The following ZDHHC14 variants were observed in gnomAD, a reference collection of about 807,000 sequenced individuals.
ZDHHC14 encodes the protein palmitoyltransferase ZDHHC14.
A neutral mutation model predicts 47.7 loss-of-function variants in ZDHHC14; 16 were observed. That is an observed-to-expected ratio of 0.34 (90% CI 0.23 to 0.51). The LOEUF is 0.51. ZDHHC14 is among the 20% of genes least tolerant of loss of function. The pLI is 0.97. For missense variants in ZDHHC14, 515 were observed against 662.5 expected, an observed-to-expected ratio of 0.78 and a Z score of 2.44; for synonymous variants, 293 against 278.9, an observed-to-expected ratio of 1.05 and a Z score of -0.50.
intron 1 of ZDHHC14, among the ~76,000 whole-genome samples, chr6:157,411,711 A>G (rs1422007486): frequency 6.6e-6 from 1 of 151,780 alleles, no homozygotes; most frequent in Admixed American, 6.6e-5. Context: ...TTATTTCAAA[A>G]TAAAATGCTA....
intron 1 of ZDHHC14, among the ~76,000 whole-genome samples, chr6:157,528,686 C>T (rs1781253790): frequency 6.6e-6 from 1 of 151,664 alleles, no homozygotes; most frequent in Non-Finnish European, 1.5e-5. Flanking sequence ...GAGCCGAGGT[C>T]GCACCACTGC....
Position 157,463,116 on chromosome 6 carries a change from A to G in ZDHHC14, c.246-79469A>G, listed in dbSNP as rs1779133036. On this transcript the variant is annotated intron_variant, in intron 1 of 8. Transcript: ENST00000359775. The surrounding 1 kb of genome is among the most constrained non-coding windows in gnomAD (Gnocchi z 4.4). ...AAGTTTATTACACGAGTTGTTGGCT[A>G]TTCAGACATGCACGTGAGGCAGCTG... Among the ~76,000 whole-genome samples the G allele has an allele frequency of 6.6e-6, 1 of 152,240 alleles. No homozygotes were observed. The highest frequency in any genetic ancestry group is 1.5e-5 in the Non-Finnish European group (1 of 68,044).
In ZDHHC14 at chr6:157,666,042, G is replaced by A. The variant is rs2115933; in HGVS notation, c.1069-6682G>A. Among the ~76,000 whole-genome samples the A allele has an allele frequency of 6.6e-5, 10 of 152,240 alleles. No individual in the cohort carries two copies. In the South Asian group the frequency reaches 1.9e-3, roughly 28 times the overall value. On this transcript the variant is annotated intron_variant, in intron 8 of 8. Coordinates refer to ENST00000359775, the MANE Select transcript of ZDHHC14 (RefSeq NM_024630.3). The stretch of plus-strand genomic sequence containing the variant: ...GCTTTTATTATGAGCTAACATTGAA[G>A]TTCTATCTAGAACAATGTATATGCA...
At chr6:157,670,912 G>A (rs574340946) in intron 8 of ZDHHC14, among the ~76,000 whole-genome samples, 52 of 152,254 alleles carry the variant, frequency 3.4e-4, no homozygotes, top group African/African-American at 1.2e-3. Flanking sequence ...CCTACTACTT[G>A]TGATTTTAGA....
intron 1 of ZDHHC14, among the ~76,000 whole-genome samples, chr6:157,451,001 T>C (rs1193663852): frequency 7.6e-5 from 8 of 104,690 alleles, no homozygotes; most frequent in African/African-American, 2.7e-4. Context: ...TCTGGTCTTG[T>C]GTGTGTGTGT....
intron 1 of ZDHHC14, among the ~76,000 whole-genome samples, chr6:157,534,222 G>A (rs1781462391): frequency 1.3e-5 from 2 of 152,150 alleles, no homozygotes; most frequent in African/African-American, 4.8e-5. Flanking sequence ...GGTCTTCCCA[G>A]CACACACACC....
At chr6:157,385,601 C>A (rs1015046531) in intron 1 of ZDHHC14, among the ~76,000 whole-genome samples, 1 of 152,256 alleles carries the variant, frequency 6.6e-6, no homozygotes, top group African/African-American at 2.4e-5. Context: ...GAGAAATGAA[C>A]TTACTAGAAC....
intron 1 of ZDHHC14, among the ~76,000 whole-genome samples, chr6:157,405,286 G>T (rs938557888): frequency 3.3e-4 from 51 of 152,268 alleles, no homozygotes; most frequent in African/African-American, 1.1e-3. Context: ...AGGCTGGAAT[G>T]CAGTGGCGCG....
At chr6:157,630,912 A>G (rs1785687257) in intron 4 of ZDHHC14, 1 of 141,674 alleles carries the variant, frequency 7.1e-6, no homozygotes, top group African/African-American at 2.7e-5. Flanking sequence ...TTACACACTC[A>G]TACCCTTACA....
Position 157,675,328 on chromosome 6 carries a change from A to G in ZDHHC14, c.*2206A>G, listed in dbSNP as rs1258274705. On this transcript the variant is annotated 3_prime_UTR_variant, in exon 9 of 9. Transcript: ENST00000359775. ...TGTGACCAGCCCTTCTTCCCACCTCACTGTGAAAAATTCCCAGAAGCCAGG... is the reference window on the plus strand; with the variant it reads ...TGTGACCAGCCCTTCTTCCCACCTCGCTGTGAAAAATTCCCAGAAGCCAGG... 6.6e-6 allele frequency: 1 copy of G among 152,076 alleles called. No individual in the cohort carries two copies. The highest frequency in any genetic ancestry group is 2.4e-5 in the African/African-American group (1 of 41,372). 9.4% of individuals were successfully genotyped at this position (152,076 alleles called of 1,614,324 possible).
intron 1 of ZDHHC14, among the ~76,000 whole-genome samples, chr6:157,499,479 G>GCCCCCCCCCCCCC (rs1043228228): frequency 6.8e-6 from 1 of 147,168 alleles, no homozygotes; most frequent in Non-Finnish European, 1.5e-5. Flanking sequence ...ACCTCTCAAA[G>GCCCCCCCCCCCCC]CCCCCCACCC....
At chr6:157,493,817 G>A (rs1251057437) in intron 1 of ZDHHC14, among the ~76,000 whole-genome samples, 3 of 152,224 alleles carry the variant, frequency 2.0e-5, no homozygotes, top group Non-Finnish European at 4.4e-5. Flanking sequence ...CACAATCCCC[G>A]CCCTTGGCTG....
intron 3 of ZDHHC14, among the ~76,000 whole-genome samples, chr6:157,616,852 G>A (rs1036312204): frequency 6.6e-6 from 1 of 152,086 alleles, no homozygotes; most frequent in South Asian, 2.1e-4. Flanking sequence ...TAGGCAAATC[G>A]GGATGGTCAG....
intron 2 of ZDHHC14, among the ~76,000 whole-genome samples, chr6:157,542,963 GC>G (rs2114805914): frequency 6.6e-6 from 1 of 152,260 alleles, no homozygotes; most frequent in Non-Finnish European, 1.5e-5. Flanking sequence ...AGGACTGCAG[GC>G]CCACTCGAGC....
At chr6:157,395,735 A>G (rs1441358787) in intron 1 of ZDHHC14, among the ~76,000 whole-genome samples, 1 of 151,462 alleles carries the variant, frequency 6.6e-6, no homozygotes, top group Non-Finnish European at 1.5e-5. Flanking sequence ...CGGAGGTTTC[A>G]GTGAGCTGAG....
At chr6:157,522,946 C>CTTTCT (rs1781001161) in intron 1 of ZDHHC14, among the ~76,000 whole-genome samples, 2 of 32,334 alleles carry the variant, frequency 6.2e-5, no homozygotes, top group African/African-American at 4.5e-4. Flanking sequence ...TCTTTCTTTC[C>CTTTCT]TTCCTTCCTT....
At chr6:157,558,568 G>A (rs1326845418) in intron 2 of ZDHHC14, among the ~76,000 whole-genome samples, 3 of 152,144 alleles carry the variant, frequency 2.0e-5, no homozygotes, top group East Asian at 1.9e-4. Flanking sequence ...AAAAGCAATG[G>A]CCCATCAGTA....
intron 1 of ZDHHC14, among the ~76,000 whole-genome samples, chr6:157,479,780 G>A (rs934636680): frequency 6.6e-6 from 1 of 152,242 alleles, no homozygotes; most frequent in African/African-American, 2.4e-5. Flanking sequence ...CACTGGGCCT[G>A]CCCAAGTGGA....
At chr6:157,494,571 C>T (rs910111473) in intron 1 of ZDHHC14, among the ~76,000 whole-genome samples, 10 of 152,136 alleles carry the variant, frequency 6.6e-5, no homozygotes, top group African/African-American at 1.7e-4. Flanking sequence ...TGCAAGATGC[C>T]GAGGACTGTG....
Sources: gnomAD v4.1 joint callset for allele counts (sites outside exome capture counted in the v4.1 genomes callset) on GRCh38, gnomAD v4.1.1 for gene constraint, Gnocchi (gnomAD v3.1) non-coding constraint, MANE v1.5 for transcripts, NCBI Gene and HGNC (gene_info 2026-07-23, HGNC 2026-07-21) for gene names.